The following AHCY variants were observed in gnomAD, a reference collection of about 807,000 sequenced individuals.
AHCY encodes the protein adenosylhomocysteinase.
A neutral mutation model predicts 45.4 loss-of-function variants in AHCY; 24 were observed. That is an observed-to-expected ratio of 0.53 (90% CI 0.38 to 0.74). The LOEUF is 0.74. Among genes scored for constraint, AHCY ranks in the 30% least tolerant of loss-of-function variants. The pLI is 0.00. For missense variants in AHCY, 449 were observed against 594.1 expected, an observed-to-expected ratio of 0.76 and a Z score of 2.54; for synonymous variants, 245 against 235.1, an observed-to-expected ratio of 1.04 and a Z score of -0.39.
At chr20:34,242,069 T>C in the AHCY span, among the ~76,000 whole-genome samples, 3 of 152,136 alleles carry the variant, frequency 2.0e-5, no homozygotes, top group African/African-American at 7.2e-5. Flanking sequence ...ATGTTTTCAA[T>C]TGTAGGTGAG....
chr20:34,270,087 C>G, the AHCY span, among the ~76,000 whole-genome samples: 1 of 149,306 alleles, frequency 6.7e-6, no homozygotes, highest in Non-Finnish European at 1.5e-5. Context: ...CCGGTCTGTA[C>G]AAAAAGTTTT....
the AHCY span, chr20:34,262,924 T>G: frequency 6.2e-7 from 1 of 1,612,278 alleles, no homozygotes; most frequent in East Asian, 2.2e-5. Context: ...GGAGTTCTCA[T>G]TGTTGGGGTG....
chr20:34,307,584 C>G (rs2036908879), upstream of AHCY, among the ~76,000 whole-genome samples: 1 of 152,128 alleles, frequency 6.6e-6, no homozygotes, highest in African/African-American at 2.4e-5. Context: ...GTTGGTCAGG[C>G]TGGTCTCGAA....
At chr20:34,289,243 G>A (rs112893730) in intron 8 of AHCY, among the ~76,000 whole-genome samples, 16,084 of 152,048 alleles carry the variant, frequency 0.11, 2,864 homozygotes, top group African/African-American at 0.37. Flanking sequence ...GAACAATCTC[G>A]GCTCACTACA....
chr20:34,270,274 C>A, the AHCY span, among the ~76,000 whole-genome samples: 2 of 151,632 alleles, frequency 1.3e-5, no homozygotes, highest in African/African-American at 4.8e-5. Context: ...AGGAAATAAT[C>A]ATTCCTGTTC....
chr20:34,249,353 C>T, the AHCY span, among the ~76,000 whole-genome samples: 1 of 151,396 alleles, frequency 6.6e-6, no homozygotes, highest in East Asian at 1.9e-4. Context: ...ATCCGATGCC[C>T]AGAGCCCTGG....
the AHCY span, among the ~76,000 whole-genome samples, chr20:34,274,966 G>A: frequency 6.6e-6 from 1 of 151,886 alleles, no homozygotes; most frequent in Non-Finnish European, 1.5e-5. Context: ...AAAGAGTCAG[G>A]TGGTACAAAT....
the AHCY span, among the ~76,000 whole-genome samples, chr20:34,261,852 C>T: frequency 6.6e-6 from 1 of 152,116 alleles, no homozygotes; most frequent in African/African-American, 2.4e-5. Flanking sequence ...GTGGCTCACA[C>T]CTCTAATCCC....
chr20:34,277,920 C>A (rs924638461), downstream of AHCY, among the ~76,000 whole-genome samples: 2 of 152,172 alleles, frequency 1.3e-5, no homozygotes, highest in African/African-American at 4.8e-5. Flanking sequence ...CAGTCCACTG[C>A]TCCATAAACA....
chr20:34,258,674 C>CAT, the AHCY span, among the ~76,000 whole-genome samples: 17 of 12,150 alleles, frequency 1.4e-3, 4 homozygotes, highest in Middle Eastern at 0.071. Context: ...AGGGGGATGC[C>CAT]ATATATATAT....
chr20:34,306,100 A>G (rs2036893640), upstream of AHCY, among the ~76,000 whole-genome samples: 1 of 146,580 alleles, frequency 6.8e-6, no homozygotes, highest in Non-Finnish European at 1.5e-5. Context: ...AAAAAAAAAG[A>G]AAAAAAAAGA....
intron 1 of AHCY, among the ~76,000 whole-genome samples, chr20:34,309,046 G>A (rs964874826): frequency 2.9e-5 from 4 of 138,952 alleles, no homozygotes; most frequent in East Asian, 4.4e-4. Context: ...TGCAACCTCC[G>A]CCTCCTGAGT....
downstream of AHCY, among the ~76,000 whole-genome samples, chr20:34,277,913 T>A (rs2035922899): frequency 6.6e-6 from 1 of 152,180 alleles, no homozygotes; most frequent in Non-Finnish European, 1.5e-5. Context: ...CAAAGTTCAG[T>A]CCACTGCTCC....
chr20:34,280,036 G>A (rs939210359), downstream of AHCY, among the ~76,000 whole-genome samples: 1 of 152,072 alleles, frequency 6.6e-6, no homozygotes. Flanking sequence ...AGGTTGCATT[G>A]AGCTGAGATT....
chr20:34,269,387 G>A, the AHCY span: 1 of 573,464 alleles, frequency 1.7e-6, no homozygotes, highest in Non-Finnish European at 2.8e-6. Flanking sequence ...GAAAGTTCTC[G>A]GTCCCTTCGC....
intron 3 of AHCY, among the ~76,000 whole-genome samples, chr20:34,293,068 T>A (rs1043513527): frequency 1.3e-5 from 2 of 152,172 alleles, no homozygotes; most frequent in African/African-American, 2.4e-5. Context: ...AGCTACCATG[T>A]GTGGGGTACT....
Position 34,295,375 on chromosome 20 carries a change from G to T in AHCY, c.219+20C>A. ...CCAGGGAGGGCAAGGACTCTGGGGT[G>T]ATACAGCTGTGGGCCTCACCTCAGC... is the stretch of plus-strand genomic sequence containing the variant. On this transcript the variant is annotated intron_variant, in intron 2 of 9. Transcript: ENST00000217426. 1 of 1,613,756 alleles carries T rather than the reference G, an allele frequency of 6.2e-7. No homozygotes were observed. The highest frequency in any genetic ancestry group is 8.5e-7 in the Non-Finnish European group (1 of 1,179,854).
chr20:34,293,901 A>C, intron 3 of AHCY, 180 bp downstream of exon 3: 1 of 700,708 alleles, frequency 1.4e-6, no homozygotes, highest in East Asian at 2.7e-5. Flanking sequence ...CTTCCACAGG[A>C]TTTTAGATGA....
the AHCY span, among the ~76,000 whole-genome samples, chr20:34,254,164 G>A: frequency 6.6e-6 from 1 of 152,040 alleles, no homozygotes; most frequent in African/African-American, 2.4e-5. Flanking sequence ...CTGGATTCAA[G>A]TGATGCTTCT....
Sources: gnomAD v4.1 joint callset for allele counts (sites outside exome capture counted in the v4.1 genomes callset) on GRCh38, gnomAD v4.1.1 for gene constraint, MANE v1.5 for transcripts, NCBI Gene and HGNC (gene_info 2026-07-23, HGNC 2026-07-21) for gene names.